Variants in DPF3 observed in about 807,000 individuals in gnomAD.
DPF3 encodes the protein zinc finger protein DPF3.
In DPF3, 18 loss-of-function variants were observed where a neutral mutation model predicts 56.8. That is an observed-to-expected ratio of 0.32 (90% CI 0.22 to 0.47). The LOEUF is 0.47. Ranked by LOEUF, DPF3 falls within the 20% of genes least tolerant of loss-of-function variation. DPF3 has a pLI of 1.00. For synonymous variants in DPF3, 188 were observed against 180.2 expected, an observed-to-expected ratio of 1.04 and a Z score of -0.35; for missense variants, 403 against 488.8, an observed-to-expected ratio of 0.82 and a Z score of 1.65.
intron 6 of DPF3, among the ~76,000 whole-genome samples, chr14:72,699,097 A>G (rs1042721130): frequency 6.6e-6 from 1 of 152,224 alleles, no homozygotes. Context: ...AATGGATGTT[A>G]TAAGTATGGG....
intron 10 of DPF3, 98 bp from the exon 11 acceptor site, chr14:72,619,465 C>CTT (rs1884286882): frequency 4.4e-6 from 6 of 1,367,380 alleles, no homozygotes; most frequent in Non-Finnish European, 6.0e-6. Flanking sequence ...TTCCTTTGAA[C>CTT]TTTGGCAATG....
intron 5 of DPF3, among the ~76,000 whole-genome samples, chr14:72,718,082 C>T (rs1318956823): frequency 6.6e-6 from 1 of 152,178 alleles, no homozygotes; most frequent in Non-Finnish European, 1.5e-5. Flanking sequence ...CCCATACATT[C>T]AGGAGCCTTA....
chr14:72,738,213 T>C (rs979403996), intron 3 of DPF3, among the ~76,000 whole-genome samples: 3 of 152,050 alleles, frequency 2.0e-5, no homozygotes, highest in African/African-American at 7.2e-5. Flanking sequence ...GCTCATTCCC[T>C]AGGGGTGCCA....
intron 2 of DPF3, among the ~76,000 whole-genome samples, chr14:72,764,312 G>A (rs538385014): frequency 1.4e-3 from 217 of 152,120 alleles, no homozygotes; most frequent in Non-Finnish European, 2.7e-3. Context: ...GAGATCTTTG[G>A]GTTGATGAAC....
In DPF3 at chr14:72,727,307, G is replaced by A. The variant is rs145782291; in HGVS notation, c.430-3579C>T. ...AAATCCCTCAACTCGACCAGATGCG[G>A]TGGCTCACGCCTGTAATCCCAGCAC... On this transcript the variant is annotated intron_variant, in intron 4 of 10. Coordinates refer to ENST00000556509, the MANE Select transcript of DPF3 (RefSeq NM_001280542.3). 5.9e-5 allele frequency among the ~76,000 whole-genome samples: 9 copies of A among 152,316 alleles called. 1 individual carries two copies. In the South Asian group the frequency reaches 1.7e-3, roughly 28 times the overall value.
chr14:72,649,684 T>G (rs1885846542), intron 8 of DPF3, among the ~76,000 whole-genome samples: 1 of 151,340 alleles, frequency 6.6e-6, no homozygotes, highest in Admixed American at 6.6e-5. Flanking sequence ...AATGTATTAG[T>G]ACTATTGCTA....
intron 1 of DPF3, among the ~76,000 whole-genome samples, chr14:72,805,051 G>GACACACACACACACACACAC (rs138162317): frequency 0.083 from 12,194 of 146,144 alleles, 576 homozygotes; most frequent in Non-Finnish European, 0.11. Flanking sequence ...CACAGCCCTG[G>GACACACACACACACACACAC]ACACACACAC....
intron 1 of DPF3, among the ~76,000 whole-genome samples, chr14:72,882,052 T>A (rs1163069109): frequency 6.6e-6 from 1 of 152,136 alleles, no homozygotes; most frequent in Admixed American, 6.5e-5. Flanking sequence ...AGCTTTGGGT[T>A]TTTTTTCTTT....
intron 8 of DPF3, among the ~76,000 whole-genome samples, chr14:72,637,332 T>C (rs1885413050): frequency 6.6e-6 from 1 of 152,220 alleles, no homozygotes; most frequent in South Asian, 2.1e-4. Flanking sequence ...CCTGGATTTA[T>C]ACAATTTACT....
At chr14:72,840,289 C>T (rs1884492481) in intron 1 of DPF3, among the ~76,000 whole-genome samples, 1 of 152,168 alleles carries the variant, frequency 6.6e-6, no homozygotes, top group Non-Finnish European at 1.5e-5. Flanking sequence ...CTTACTAGAA[C>T]CACTCTAGTT....
At chr14:72,739,241 C>CA (rs35425882) in intron 3 of DPF3, among the ~76,000 whole-genome samples, 25,841 of 124,556 alleles carry the variant, frequency 0.21, 2,567 homozygotes, top group East Asian at 0.29. Flanking sequence ...GACTCTGTCT[C>CA]AAAAAAAAAA....
At chr14:72,792,839 G>A (rs79395534) in intron 1 of DPF3, among the ~76,000 whole-genome samples, 12,636 of 151,914 alleles carry the variant, frequency 0.083, 775 homozygotes, top group South Asian at 0.21. Context: ...TTAGATTGCT[G>A]CTGCTGCTTC....
In DPF3 at chr14:72,863,301, C is replaced by T. The variant is rs536130591; in HGVS notation, c.32+30756G>A. ...GTCAGGGACCACCTCCTCTCCTCCC[C>T]GGCCCAAAGCTGGAAACTGTGTGCT... On this transcript the variant is annotated intron_variant, in intron 1 of 10. Coordinates refer to ENST00000556509, the MANE Select transcript of DPF3 (RefSeq NM_001280542.3). Among the ~76,000 whole-genome samples, 20 of 151,820 alleles carry T rather than the reference C, an allele frequency of 1.3e-4. 1 individual carries two copies. Among genetic ancestry groups the T allele is most frequent in the Admixed American group, 4.6e-4 (7 of 15,214 alleles).
At chr14:72,787,587 A>T (rs1410054353) in intron 1 of DPF3, among the ~76,000 whole-genome samples, 2 of 152,174 alleles carry the variant, frequency 1.3e-5, no homozygotes, top group African/African-American at 4.8e-5. Context: ...GAGAAATAGG[A>T]CCTGGCTTTC....
intron 1 of DPF3, among the ~76,000 whole-genome samples, chr14:72,784,165 A>C (rs1599438312): frequency 6.6e-6 from 1 of 152,068 alleles, no homozygotes; most frequent in Non-Finnish European, 1.5e-5. Flanking sequence ...GTTGAGAGTC[A>C]CCCCAATCTC....
intron 1 of DPF3, among the ~76,000 whole-genome samples, chr14:72,884,653 T>C (rs774172075): frequency 6.6e-5 from 10 of 151,690 alleles, no homozygotes; most frequent in Non-Finnish European, 1.2e-4. Context: ...TCACCGTGCT[T>C]CCACCCACCT....
intron 1 of DPF3, among the ~76,000 whole-genome samples, chr14:72,874,732 C>T (rs562473742): frequency 2.4e-4 from 36 of 152,202 alleles, no homozygotes; most frequent in Non-Finnish European, 4.0e-4. Flanking sequence ...AGCCATTCAA[C>T]AAGTCTCTAG....
chr14:72,818,822 T>A (rs918063954), intron 1 of DPF3, among the ~76,000 whole-genome samples: 3 of 152,106 alleles, frequency 2.0e-5, no homozygotes, highest in African/African-American at 4.8e-5. Flanking sequence ...ACAATTTTTT[T>A]AAAAGATGTT....
intron 2 of DPF3, among the ~76,000 whole-genome samples, chr14:72,769,396 A>T (rs1323663218): frequency 6.6e-6 from 1 of 152,164 alleles, no homozygotes; most frequent in African/African-American, 2.4e-5. Flanking sequence ...AAACACCAGC[A>T]CTGGGCCGGG....
Sources: gnomAD v4.1 joint callset for allele counts (sites outside exome capture counted in the v4.1 genomes callset) on GRCh38, gnomAD v4.1.1 for gene constraint, MANE v1.5 for transcripts, NCBI Gene and HGNC (gene_info 2026-07-23, HGNC 2026-07-21) for gene names.